Variants in ABCG1 observed in about 807,000 individuals in gnomAD.
The protein encoded by ABCG1 is ATP-binding cassette sub-family G member 1.
Under a neutral mutation model 69.2 loss-of-function variants are expected in ABCG1, and 29 were observed. The ratio of observed to expected loss-of-function variants is 0.42; its 90% CI spans 0.31 to 0.57. The LOEUF (loss-of-function observed/expected upper bound fraction) is 0.57. ABCG1 is among the 20% of genes least tolerant of loss of function. The pLI, the probability that ABCG1 is intolerant of heterozygous loss-of-function variation, is 0.15. For synonymous variants in ABCG1, 370 were observed against 374.8 expected (o/e 0.99, Z 0.15); for missense variants, 718 against 898.1 (o/e 0.80, Z 2.56).
intron 2 of ABCG1, among the ~76,000 whole-genome samples, chr21:42,210,961 T>TCTTCTTCTTC (rs753346243): frequency 5.7e-5 from 8 of 140,644 alleles, no homozygotes; most frequent in African/African-American, 2.2e-4. Flanking sequence ...TCTTTCTTCT[T>TCTTCTTCTTC]TTTTTTTTTT....
At position 42,236,388 on chromosome 21, in the gene ABCG1, T is replaced by C. The variant is rs1365048771; in HGVS notation, c.286+10474T>C. Reference sequence around the variant, plus strand: ...TCATTTCCATCAGCTGTACTGTGTTTGAGTATCCGCAAGGCCTGGGGCCAC... The same window carrying C: ...TCATTTCCATCAGCTGTACTGTGTTCGAGTATCCGCAAGGCCTGGGGCCAC... On this transcript the variant is annotated intron_variant, in intron 2 of 14. Transcript: ENST00000398449. Among the ~76,000 whole-genome samples the C allele has an allele frequency of 2.6e-5, 4 of 152,248 alleles. No homozygotes were observed. The East Asian group carries it at 7.7e-4, about 29-fold the overall frequency.
At chr21:42,246,067 G>T (rs1369792121) in intron 2 of ABCG1, among the ~76,000 whole-genome samples, 2 of 152,180 alleles carry the variant, frequency 1.3e-5, no homozygotes, top group African/African-American at 4.8e-5. Context: ...TGGGCAGGTG[G>T]CAAGAGCCAG....
At chr21:42,257,301 C>T (rs1215128867) in intron 2 of ABCG1, among the ~76,000 whole-genome samples, 1 of 152,228 alleles carries the variant, frequency 6.6e-6, no homozygotes, top group African/African-American at 2.4e-5. Flanking sequence ...AATTTGCAGG[C>T]AGCTTTTTGG....
chr21:42,224,944 CT>C (rs545354317), intron 1 of ABCG1, among the ~76,000 whole-genome samples: 8,314 of 144,360 alleles, frequency 0.058, 347 homozygotes, highest in African/African-American at 0.13. Flanking sequence ...GAACACCTAT[CT>C]TTTTTTTTTT....
chr21:42,240,557 T>A (rs2068036701), intron 2 of ABCG1, among the ~76,000 whole-genome samples: 1 of 152,246 alleles, frequency 6.6e-6, no homozygotes, highest in African/African-American at 2.4e-5. Flanking sequence ...TTCAAGTGAT[T>A]CTTCTGCCTC....
intron 2 of ABCG1, among the ~76,000 whole-genome samples, chr21:42,264,293 G>A (rs2068463826): frequency 6.6e-6 from 1 of 152,186 alleles, no homozygotes; most frequent in South Asian, 2.1e-4. Flanking sequence ...GGATAACTCA[G>A]GAAACTCTTT....
intron 2 of ABCG1, among the ~76,000 whole-genome samples, chr21:42,248,305 C>G (rs962920101): frequency 6.6e-6 from 1 of 152,156 alleles, no homozygotes; most frequent in South Asian, 2.1e-4. Context: ...GGAGATGTGT[C>G]TGTTGCAGGA....
chr21:42,289,849 T>A (rs902552176), intron 10 of ABCG1, among the ~76,000 whole-genome samples: 1 of 152,142 alleles, frequency 6.6e-6, no homozygotes, highest in Non-Finnish European at 1.5e-5. Flanking sequence ...AGCAGGCGTG[T>A]ATGTGTGTGT....
intron 2 of ABCG1, chr21:42,256,604 T>C: frequency 6.6e-7 from 1 of 1,515,518 alleles, no homozygotes; most frequent in Non-Finnish European, 8.9e-7. Context: ...TCTCACAGTT[T>C]TTACAGGCAC....
In ABCG1 at chr21:42,296,414, A is replaced by G. The variant is rs768884919; in HGVS notation, c.*22A>G. 1 of 1,602,282 alleles carries G rather than the reference A, an allele frequency of 6.2e-7. No individual in the cohort carries two copies. The highest frequency in any genetic ancestry group is 1.7e-4 in the Middle Eastern group (1 of 5,972). ...GTAAAACACCTGAATGCCAGGAAAC[A>G]GGAAGATTAGACACTGTGGCCGAGG... On this transcript the variant is annotated 3_prime_UTR_variant, in exon 15 of 15. Coordinates refer to ENST00000398449, the MANE Select transcript of ABCG1 (RefSeq NM_016818.3). The surrounding 1 kb of genome is among the most constrained non-coding windows in gnomAD (Gnocchi z 5.4).
upstream of ABCG1, among the ~76,000 whole-genome samples, chr21:42,213,244 G>A (rs1336191236): frequency 6.6e-6 from 1 of 152,240 alleles, no homozygotes; most frequent in Non-Finnish European, 1.5e-5. Context: ...CGAGGTCTGG[G>A]GGACAGAACT....
intron 2 of ABCG1, among the ~76,000 whole-genome samples, chr21:42,209,346 A>G (rs1163562967): frequency 3.3e-5 from 5 of 152,236 alleles, no homozygotes; most frequent in Admixed American, 6.5e-5. Flanking sequence ...GCAAAATGCA[A>G]TCATGCACAT....
chr21:42,205,075 T>G (rs1022150041), intron 2 of ABCG1, among the ~76,000 whole-genome samples: 1 of 152,000 alleles, frequency 6.6e-6, no homozygotes, highest in Non-Finnish European at 1.5e-5. Flanking sequence ...GTTATGAGAC[T>G]ATTCAAATAG....
At chr21:42,219,095 C>A (rs572276725), upstream of ABCG1, 69 of 500,228 alleles carry the variant, frequency 1.4e-4, no homozygotes, top group Admixed American at 1.0e-3. The surrounding 1 kb of genome is among the most constrained non-coding windows in gnomAD (Gnocchi z 5.3). Flanking sequence ...GCGCTCGGGG[C>A]GGGGTCGGGC....
At chr21:42,215,821 G>A (rs189211601), upstream of ABCG1, among the ~76,000 whole-genome samples, 9 of 152,372 alleles carry the variant, frequency 5.9e-5, 1 homozygote, top group South Asian at 1.7e-3. Flanking sequence ...GGTGTGCAGA[G>A]CAGTCAGGGT....
In ABCG1 at chr21:42,288,063, G is replaced by A. The variant is rs748469594; in HGVS notation, c.1122+26G>A. 6.2e-7 allele frequency: 1 copy of A among 1,604,776 alleles called. No individual in the cohort carries two copies. Among genetic ancestry groups the A allele is most frequent in the East Asian group, 2.2e-5 (1 of 44,604 alleles). On this transcript the variant is annotated intron_variant, in intron 9 of 14. Transcript: ENST00000398449. The surrounding 1 kb of genome is among the most constrained non-coding windows in gnomAD (Gnocchi z 4.8). Reference sequence around the variant, plus strand: ...GTAAAGCAGACAAAACGATTAAAGGGGTTGAGAAAGGTAATGCAAATCCCG... The same window carrying A: ...GTAAAGCAGACAAAACGATTAAAGGAGTTGAGAAAGGTAATGCAAATCCCG...
At chr21:42,238,092 T>C (rs2068002379) in intron 2 of ABCG1, among the ~76,000 whole-genome samples, 3 of 152,206 alleles carry the variant, frequency 2.0e-5, no homozygotes, top group African/African-American at 7.2e-5. Context: ...AAAAATTGAT[T>C]TTCGTGTTCC....
At position 42,288,432 on chromosome 21, in the gene ABCG1, G is replaced by C; in HGVS notation, c.1224+120G>C. 6.7e-6 allele frequency: 5 copies of C among 749,390 alleles called. No individual in the cohort carries two copies. Among genetic ancestry groups the C allele is most frequent in the Non-Finnish European group, 1.1e-5 (5 of 454,990 alleles). 46.4% of individuals were successfully genotyped at this position (749,390 alleles called of 1,614,324 possible). A position where few individuals can be genotyped will look rare whatever the true frequency, so the allele number is the denominator to read the frequency against. ...GCTATAAAGAAATTCATGAGGCCAGGCATGGTGACTCATGTCTGTAACCCC... is the reference window on the plus strand; with the variant it reads ...GCTATAAAGAAATTCATGAGGCCAGCCATGGTGACTCATGTCTGTAACCCC... On this transcript the variant is annotated intron_variant, in intron 10 of 14. Transcript: ENST00000398449. The surrounding 1 kb of genome is among the most constrained non-coding windows in gnomAD (Gnocchi z 4.8).
chr21:42,226,025 C>T, intron 2 of ABCG1, 111 bp downstream of exon 2: 1 of 1,261,912 alleles, frequency 7.9e-7, no homozygotes, highest in South Asian at 1.4e-5. Context: ...GCTTCTCTTC[C>T]CAACGCCGTC....
Sources: gnomAD v4.1 joint callset for allele counts (sites outside exome capture counted in the v4.1 genomes callset) on GRCh38, gnomAD v4.1.1 for gene constraint, Gnocchi (gnomAD v3.1) non-coding constraint, MANE v1.5 for transcripts, NCBI Gene and HGNC (gene_info 2026-07-23, HGNC 2026-07-21) for gene names.